Variants in ROCK1 observed in about 807,000 individuals in gnomAD.
ROCK1 encodes the protein rho-associated protein kinase 1.
A neutral mutation model predicts 196.8 loss-of-function variants in ROCK1; 36 were observed. The observed-to-expected ratio is 0.18, with a 90% confidence interval of 0.14 to 0.24. ROCK1 has a LOEUF of 0.24. Ranked by LOEUF, ROCK1 falls within the 10% of genes least tolerant of loss-of-function variation. ROCK1 has a pLI of 1.00. For synonymous variants in ROCK1, 443 were observed against 515.9 expected, an observed-to-expected ratio of 0.86 and a Z score of 1.91; for missense variants, 920 against 1,562.0, an observed-to-expected ratio of 0.59 and a Z score of 6.93.
intron 27 of ROCK1, among the ~76,000 whole-genome samples, chr18:20,962,484 T>G (rs555645115): frequency 6.6e-6 from 1 of 152,312 alleles, no homozygotes; most frequent in Non-Finnish European, 1.5e-5. Context: ...TACTTTCACA[T>G]TATTTCTTTG....
At chr18:21,027,503 A>C (rs2035969048) in intron 10 of ROCK1, among the ~76,000 whole-genome samples, 1 of 152,198 alleles carries the variant, frequency 6.6e-6, no homozygotes, top group Non-Finnish European at 1.5e-5. Context: ...TACTAATGGT[A>C]ATAATAGTTA....
chr18:21,101,111 T>TG (rs2143601051), intron 1 of ROCK1, among the ~76,000 whole-genome samples: 1 of 152,376 alleles, frequency 6.6e-6, no homozygotes, highest in South Asian at 2.1e-4. Flanking sequence ...ATCCTGTATT[T>TG]CATGAATTGG....
intron 29 of ROCK1, among the ~76,000 whole-genome samples, chr18:20,956,597 C>CA (rs2035244164): frequency 6.6e-6 from 1 of 152,156 alleles, no homozygotes. Context: ...ACTGTTGGAA[C>CA]AACCAGATAC....
chr18:21,098,433 A>G (rs955113583), intron 1 of ROCK1, among the ~76,000 whole-genome samples: 1 of 152,222 alleles, frequency 6.6e-6, no homozygotes, highest in Non-Finnish European at 1.5e-5. Flanking sequence ...AATTCCGAGT[A>G]GATTTCAAAG....
intron 8 of ROCK1, 147 bp from the exon 9 acceptor site, chr18:21,039,710 C>T: frequency 5.3e-6 from 3 of 562,900 alleles, no homozygotes; most frequent in Non-Finnish European, 9.4e-6. Context: ...ATAGTATCAG[C>T]CCAAATAGAA....
chr18:21,004,782 G>A (rs1490475863), intron 16 of ROCK1, among the ~76,000 whole-genome samples: 2 of 152,296 alleles, frequency 1.3e-5, no homozygotes, highest in East Asian at 1.9e-4. Flanking sequence ...AAAGGCCTAG[G>A]AAAACAATTT....
chr18:20,998,143 C>T (rs1042395372), intron 16 of ROCK1, among the ~76,000 whole-genome samples: 4 of 152,008 alleles, frequency 2.6e-5, no homozygotes, highest in East Asian at 1.9e-4. Context: ...GGCCAAAAAG[C>T]GGAATTTTTG....
chr18:21,042,761 T>C (rs2036118363), intron 6 of ROCK1, 52 bp from the exon 7 acceptor site: 1 of 1,527,178 alleles, frequency 6.5e-7, no homozygotes, highest in African/African-American at 1.4e-5. Flanking sequence ...GTCTCAATTA[T>C]TTAAAATGAC....
intron 1 of ROCK1, among the ~76,000 whole-genome samples, chr18:21,110,086 T>C (rs1369331429): frequency 1.3e-5 from 2 of 152,188 alleles, no homozygotes; most frequent in Non-Finnish European, 2.9e-5. Flanking sequence ...CACTTAACTA[T>C]TTTTAAAATG....
intron 1 of ROCK1, among the ~76,000 whole-genome samples, chr18:21,110,418 A>C (rs1433787083): frequency 6.6e-6 from 1 of 152,216 alleles, no homozygotes; most frequent in African/African-American, 2.4e-5. Context: ...AAAAGGAAAA[A>C]AAATGCAAAG....
intron 20 of ROCK1, 77 bp downstream of exon 20, chr18:20,984,274 T>C (rs1322627424): frequency 3.8e-5 from 41 of 1,072,214 alleles, no homozygotes; most frequent in Non-Finnish European, 5.2e-5. Context: ...AATCTGTACA[T>C]ATGTAAAATG....
intron 16 of ROCK1, among the ~76,000 whole-genome samples, chr18:20,995,063 G>A (rs767533812): frequency 1.1e-4 from 16 of 152,130 alleles, no homozygotes; most frequent in Non-Finnish European, 2.1e-4. Flanking sequence ...AAGACCTTTT[G>A]CTTATCCAAA....
intron 22 of ROCK1, among the ~76,000 whole-genome samples, chr18:20,977,896 C>A (rs2143380279): frequency 6.6e-6 from 1 of 152,172 alleles, no homozygotes; most frequent in African/African-American, 2.4e-5. Context: ...AGAGAATAAC[C>A]AGGAAATGCA....
chr18:21,053,412 T>G (rs1360823892), intron 2 of ROCK1, among the ~76,000 whole-genome samples: 1 of 152,172 alleles, frequency 6.6e-6, no homozygotes, highest in African/African-American at 2.4e-5. Flanking sequence ...TCATAGTGAG[T>G]GCTTAGTCTG....
intron 14 of ROCK1, among the ~76,000 whole-genome samples, chr18:21,007,303 C>T (rs2143438928): frequency 6.6e-6 from 1 of 152,208 alleles, no homozygotes; most frequent in South Asian, 2.1e-4. Flanking sequence ...CACAAGCAAT[C>T]CGTTTCTGTC....
At chr18:21,060,047 AGACT>A (rs1433204218) in intron 2 of ROCK1, among the ~76,000 whole-genome samples, 1 of 152,230 alleles carries the variant, frequency 6.6e-6, no homozygotes, top group Non-Finnish European at 1.5e-5. Context: ...AGAGAAATGG[AGACT>A]GACTGTTAAT....
intron 25 of ROCK1, 41 bp downstream of exon 25, chr18:20,968,731 C>G: frequency 8.3e-7 from 1 of 1,205,488 alleles, no homozygotes; most frequent in African/African-American, 1.5e-5. Context: ...CAATGATTAA[C>G]TCAAAAATGA....
intron 1 of ROCK1, among the ~76,000 whole-genome samples, chr18:21,095,050 C>CAAA (rs777577556): frequency 1.3e-4 from 7 of 53,704 alleles, no homozygotes; most frequent in African/African-American, 4.0e-4. Context: ...AACTCTGTCT[C>CAAA]AAAAAAAAAA....
chr18:21,079,193 G>C (rs924654148), intron 1 of ROCK1, among the ~76,000 whole-genome samples: 4 of 152,070 alleles, frequency 2.6e-5, no homozygotes, highest in African/African-American at 9.7e-5. Flanking sequence ...ATCCCAGTTA[G>C]GGTTATTTAC....
Sources: gnomAD v4.1 joint callset for allele counts (sites outside exome capture counted in the v4.1 genomes callset) on GRCh38, gnomAD v4.1.1 for gene constraint, MANE v1.5 for transcripts, NCBI Gene and HGNC (gene_info 2026-07-23, HGNC 2026-07-21) for gene names.